RIMS4: variants seen among roughly 807,000 people sequenced by gnomAD.
RIMS4 encodes the protein regulating synaptic membrane exocytosis 4, also known as regulating synaptic membrane exocytosis protein 4.
A neutral mutation model predicts 29.0 loss-of-function variants in RIMS4; 9 were observed. That is an observed-to-expected ratio of 0.31 (90% CI 0.19 to 0.54). The LOEUF (loss-of-function observed/expected upper bound fraction) is 0.54, where lower values mean the gene tolerates loss of function less well. Ranked by LOEUF, RIMS4 falls within the 20% of genes least tolerant of loss-of-function variation. The pLI is 0.94. For synonymous variants in RIMS4, 130 were observed against 152.9 expected (o/e 0.85, Z 1.10); for missense variants, 193 against 365.7 (o/e 0.53, Z 3.85).
At chr20:44,798,247 T>C (rs974438141) in intron 1 of RIMS4, among the ~76,000 whole-genome samples, 3 of 152,232 alleles carry the variant, frequency 2.0e-5, no homozygotes, top group Non-Finnish European at 4.4e-5. Flanking sequence ...GATACATGTA[T>C]ATATTCATGA....
At chr20:44,760,680 G>A (rs1222666454) in intron 2 of RIMS4, among the ~76,000 whole-genome samples, 1 of 151,946 alleles carries the variant, frequency 6.6e-6, no homozygotes, top group African/African-American at 2.4e-5. Flanking sequence ...TGTTATGGCC[G>A]GCGTCCATTT....
Position 44,810,520 on chromosome 20 carries a change from G to A in RIMS4, c.-249C>T, listed in dbSNP as rs891885412. Reference sequence around the variant, plus strand: ...CGGCGGCGGCGGCGGCGGCGGTGGCGGCGGCGGTGGCGGCGCAGCGCGCTC... The same window carrying A: ...CGGCGGCGGCGGCGGCGGCGGTGGCAGCGGCGGTGGCGGCGCAGCGCGCTC... On this transcript the variant is annotated 5_prime_UTR_variant, in exon 1 of 6. Transcript: ENST00000372851. Among the ~76,000 whole-genome samples the A allele has an allele frequency of 2.1e-5, 3 of 145,256 alleles. No individual in the cohort carries two copies. Among genetic ancestry groups the A allele is most frequent in the East Asian group, 4.0e-4 (2 of 4,980 alleles).
At chr20:44,808,026 T>C (rs2066306494) in intron 1 of RIMS4, among the ~76,000 whole-genome samples, 1 of 152,056 alleles carries the variant, frequency 6.6e-6, no homozygotes, top group Non-Finnish European at 1.5e-5. Flanking sequence ...AACCTGATTT[T>C]AGTCTCAGCT....
At chr20:44,792,944 G>A (rs917621276) in intron 1 of RIMS4, among the ~76,000 whole-genome samples, 4 of 152,126 alleles carry the variant, frequency 2.6e-5, no homozygotes, top group African/African-American at 9.7e-5. Flanking sequence ...CAGAGGTACA[G>A]CCTGTTTTCC....
Position 44,810,455 on chromosome 20 carries a change from G to A in RIMS4, c.-184C>T, listed in dbSNP as rs2066320117. Reference sequence around the variant, plus strand: ...GGCGGGGCCGGCGGGCGGGCCAGGAGCTGGCGGCGCGCGGAGCCCGAGGCG... The same window carrying A: ...GGCGGGGCCGGCGGGCGGGCCAGGAACTGGCGGCGCGCGGAGCCCGAGGCG... On this transcript the variant is annotated 5_prime_UTR_variant, in exon 1 of 6. Coordinates refer to ENST00000372851, the MANE Select transcript of RIMS4 (RefSeq NM_182970.4). 6.9e-6 allele frequency: 1 copy of A among 145,528 alleles called. No individual in the cohort carries two copies. Among genetic ancestry groups the A allele is most frequent in the Non-Finnish European group, 1.5e-5 (1 of 65,684 alleles). 9.0% of individuals were successfully genotyped at this position (145,528 alleles called of 1,614,324 possible).
chr20:44,807,299 A>T (rs1470129309), intron 1 of RIMS4, among the ~76,000 whole-genome samples: 1 of 152,198 alleles, frequency 6.6e-6, no homozygotes, highest in Non-Finnish European at 1.5e-5. Context: ...GCCCACCCCA[A>T]TGGCCAAGGA....
chr20:44,793,072 G>A (rs944012204), intron 1 of RIMS4, among the ~76,000 whole-genome samples: 1 of 152,134 alleles, frequency 6.6e-6, no homozygotes, highest in African/African-American at 2.4e-5. Context: ...AGGGAGAGAA[G>A]TGCCTTCCTC....
At chr20:44,806,511 A>G (rs2066299327) in intron 1 of RIMS4, among the ~76,000 whole-genome samples, 1 of 152,240 alleles carries the variant, frequency 6.6e-6, no homozygotes, top group Non-Finnish European at 1.5e-5. Context: ...CTCTACCTTA[A>G]TAACTGTAAT....
At chr20:44,772,225 C>A (rs577031726) in intron 1 of RIMS4, among the ~76,000 whole-genome samples, 1 of 152,264 alleles carries the variant, frequency 6.6e-6, no homozygotes, top group South Asian at 2.1e-4. Context: ...CCTCTCCTGG[C>A]CCCTCCAAAA....
intron 1 of RIMS4, among the ~76,000 whole-genome samples, chr20:44,800,205 T>C (rs2066271948): frequency 6.6e-6 from 1 of 152,108 alleles, no homozygotes; most frequent in Admixed American, 6.5e-5. Flanking sequence ...AAGTGCTTAA[T>C]AAGAATTTAA....
At chr20:44,757,641 C>A in intron 4 of RIMS4, 29 bp downstream of exon 4, 2 of 1,554,026 alleles carry the variant, frequency 1.3e-6, no homozygotes, top group South Asian at 1.1e-5. Flanking sequence ...CCTCCACCCC[C>A]ACCTTGCAGG....
intron 2 of RIMS4, among the ~76,000 whole-genome samples, chr20:44,770,845 C>T (rs2066134050): frequency 6.6e-6 from 1 of 152,068 alleles, no homozygotes; most frequent in Non-Finnish European, 1.5e-5. Flanking sequence ...CCCTTTCTAC[C>T]CCTCCTTTAT....
At chr20:44,785,023 G>T (rs887653210) in intron 1 of RIMS4, among the ~76,000 whole-genome samples, 1 of 152,202 alleles carries the variant, frequency 6.6e-6, no homozygotes, top group African/African-American at 2.4e-5. Context: ...CAATGCTGCT[G>T]GTCTGTGGCC....
intron 1 of RIMS4, among the ~76,000 whole-genome samples, chr20:44,790,454 C>T (rs1456946306): frequency 6.6e-6 from 1 of 152,250 alleles, no homozygotes; most frequent in Admixed American, 6.5e-5. Context: ...CCAGCATCCT[C>T]TCTTCCAGGA....
intron 2 of RIMS4, among the ~76,000 whole-genome samples, chr20:44,770,784 G>A (rs541463377): frequency 2.0e-4 from 30 of 152,222 alleles, no homozygotes; most frequent in African/African-American, 5.1e-4. Context: ...CAAAACCAAC[G>A]GGATTTAGGA....
intron 1 of RIMS4, among the ~76,000 whole-genome samples, chr20:44,776,994 A>G (rs2145459085): frequency 6.6e-6 from 1 of 152,272 alleles, no homozygotes; most frequent in South Asian, 2.1e-4. Flanking sequence ...AAACTCTCCA[A>G]GCTCCATCCC....
chr20:44,784,422 C>T (rs1289581425), intron 1 of RIMS4, among the ~76,000 whole-genome samples: 1 of 152,222 alleles, frequency 6.6e-6, no homozygotes, highest in East Asian at 1.9e-4. Flanking sequence ...GTTAAGACCA[C>T]CTGAAACCAC....
chr20:44,774,997 C>T (rs372921659), intron 1 of RIMS4, among the ~76,000 whole-genome samples: 25 of 152,284 alleles, frequency 1.6e-4, no homozygotes, highest in African/African-American at 5.5e-4. Context: ...TCCATCAGGG[C>T]GGCTTACTAA....
intron 2 of RIMS4, 87 bp from the exon 3 acceptor site, chr20:44,758,271 G>A (rs963148223): frequency 2.3e-6 from 2 of 875,614 alleles, no homozygotes; most frequent in Non-Finnish European, 3.6e-6. Context: ...CCATGCAATG[G>A]ATATGCTGAA....
Sources: allele counts gnomAD v4.1 joint callset (sites outside exome capture counted in the v4.1 genomes callset), GRCh38; gene constraint gnomAD v4.1.1; transcripts MANE v1.5; gene names NCBI Gene and HGNC (gene_info 2026-07-23, HGNC 2026-07-21).